Variants in CWF19L2 observed in about 807,000 individuals in gnomAD.
CWF19L2 encodes CWF19 like cell cycle control factor 2, also known as CWF19-like protein 2.
CWF19L2 carries 98 observed loss-of-function variants against 111.7 expected under a neutral mutation model. The ratio of observed to expected loss-of-function variants is 0.88; its 90% CI spans 0.75 to 1.04. The LOEUF (loss-of-function observed/expected upper bound fraction) is 1.04. Ranked by LOEUF, CWF19L2 falls within the 50% of genes least tolerant of loss-of-function variation. CWF19L2 has a pLI of 0.00. For synonymous variants in CWF19L2, 351 were observed against 342.9 expected (o/e 1.02, Z -0.26); for missense variants, 1,101 against 1,051.4 (o/e 1.05, Z -0.65).
intron 16 of CWF19L2, among the ~76,000 whole-genome samples, chr11:107,330,920 T>C (rs1859841248): frequency 6.6e-6 from 1 of 152,158 alleles, no homozygotes; most frequent in African/African-American, 2.4e-5. Flanking sequence ...AATTGTGTAT[T>C]GTGTCCTTTT....
intron 12 of CWF19L2, among the ~76,000 whole-genome samples, chr11:107,362,408 A>G (rs1254533082): frequency 6.6e-6 from 1 of 152,144 alleles, no homozygotes; most frequent in African/African-American, 2.4e-5. Flanking sequence ...TAACCTCTGC[A>G]GACTTAAATG....
chr11:107,418,034 A>T (rs1220283063), intron 9 of CWF19L2, among the ~76,000 whole-genome samples, 160 bp downstream of exon 9: 1 of 152,234 alleles, frequency 6.6e-6, no homozygotes, highest in Non-Finnish European at 1.5e-5. Context: ...TGCTGGGATT[A>T]CAGGCATGGT....
Position 107,326,876 on chromosome 11 carries a change from A to C in CWF19L2, c.*34T>G. The C allele has an allele frequency of 6.5e-7, 1 of 1,546,284 alleles. No homozygotes were observed. Among genetic ancestry groups the C allele is most frequent in the Non-Finnish European group, 8.7e-7 (1 of 1,147,346 alleles). On this transcript the variant is annotated 3_prime_UTR_variant, in exon 18 of 18. Transcript: ENST00000282251. ...TGCAATGGAAATAAAACTGAACGGG[A>C]TCTGAAGAAAAATTTTAAAATGGAA...
At chr11:107,418,337 A>T in intron 8 of CWF19L2, 50 bp from the exon 9 acceptor site, 1 of 1,142,826 alleles carries the variant, frequency 8.8e-7, no homozygotes. Context: ...GTGCGATGCA[A>T]GCAATAACAT....
At chr11:107,437,928 A>G (rs562576756) in intron 6 of CWF19L2, among the ~76,000 whole-genome samples, 2 of 152,336 alleles carry the variant, frequency 1.3e-5, no homozygotes, top group East Asian at 3.9e-4. Flanking sequence ...CTATCTATGA[A>G]ACAGTATTTC....
rs66699460 is a variant in CWF19L2, at chr11:107,380,046, C to CAAAAA, written c.1872+10023_1872+10027dup. ...TGGGCGACAGAGCGAGACACCGTCT[C>CAAAAA]AAAAAAAAAAAAAAAAAAAAAAAAA... is the stretch of plus-strand genomic sequence containing the variant. On this transcript the variant is annotated intron_variant, in intron 12 of 17. Transcript: ENST00000282251. Among the ~76,000 whole-genome samples, 216 of 34,486 alleles carry CAAAAA rather than the reference C, an allele frequency of 6.3e-3. 60 individuals carry two copies. Among genetic ancestry groups the CAAAAA allele is most frequent in the East Asian group, 0.022 (20 of 906 alleles). 22.6% of individuals were successfully genotyped at this position (34,486 alleles called of 152,430 possible).
intron 14 of CWF19L2, among the ~76,000 whole-genome samples, chr11:107,343,706 A>G (rs370639097): frequency 3.6e-4 from 55 of 151,850 alleles, no homozygotes; most frequent in African/African-American, 1.2e-3. Flanking sequence ...TGATTTATTT[A>G]GTGTTTTTCA....
Position 107,348,922 on chromosome 11 carries a change from A to T in CWF19L2, c.2202+15T>A, listed in dbSNP as rs201724585. The T allele has an allele frequency of 4.3e-5, 63 of 1,459,818 alleles. No individual in the cohort carries two copies. In the Middle Eastern group the frequency reaches 1.2e-3, roughly 29 times the overall value. 90.4% of individuals were successfully genotyped at this position (1,459,818 alleles called of 1,614,324 possible). On this transcript the variant is annotated intron_variant, in intron 14 of 17. Coordinates refer to ENST00000282251, the MANE Select transcript of CWF19L2 (RefSeq NM_152434.3). ...CATGAGTTTTAAAATGATAATGAAC[A>T]TTTATTATGCTGACCTGGATCTCCT...
intron 12 of CWF19L2, among the ~76,000 whole-genome samples, chr11:107,363,294 C>A (rs992916460): frequency 1.6e-4 from 25 of 152,018 alleles, no homozygotes; most frequent in Admixed American, 1.4e-3. Context: ...CAAGGCAGGC[C>A]AACGTTCAGA....
chr11:107,444,237 C>T (rs1861671846), intron 3 of CWF19L2, among the ~76,000 whole-genome samples: 1 of 152,046 alleles, frequency 6.6e-6, no homozygotes, highest in Admixed American at 6.6e-5. Context: ...TTCACACTCT[C>T]ACTTTCATAC....
At position 107,339,044 on chromosome 11, in the gene CWF19L2, G is replaced by C. The variant is rs373465133; in HGVS notation, c.2203-2331C>G. On this transcript the variant is annotated intron_variant, in intron 14 of 17. Transcript: ENST00000282251. ...ACACTCCCACAAACAGTGTATAAGC[G>C]TTCCTTTTTCTCTACAACCTCACCA... Among the ~76,000 whole-genome samples, 56 of 152,232 alleles carry C rather than the reference G, an allele frequency of 3.7e-4. 1 individual carries two copies. Among genetic ancestry groups the C allele is most frequent in the African/African-American group, 1.3e-3 (54 of 41,526 alleles).
At chr11:107,384,022 AAAGTC>A (rs1044735744) in intron 12 of CWF19L2, among the ~76,000 whole-genome samples, 3 of 152,206 alleles carry the variant, frequency 2.0e-5, no homozygotes, top group African/African-American at 7.2e-5. Flanking sequence ...TAAGCTCCAT[AAAGTC>A]AAGGATCATT....
intron 12 of CWF19L2, among the ~76,000 whole-genome samples, chr11:107,359,152 T>A (rs781022387): frequency 6.6e-6 from 1 of 152,184 alleles, no homozygotes; most frequent in Non-Finnish European, 1.5e-5. Context: ...GAATACCCAG[T>A]CTGCCAACAA....
rs1861875731 is a variant in CWF19L2, at chr11:107,457,735, C to G, written c.82G>C (p.Ala28Pro). The G allele has an allele frequency of 6.4e-7, 1 of 1,551,536 alleles. No individual in the cohort carries two copies. Among genetic ancestry groups the G allele is most frequent in the African/African-American group, 1.4e-5 (1 of 73,064 alleles). ...IEERKEQTRNARAEVLRQAKA... is the reference protein window; with the variant it reads ...IEERKEQTRNPRAEVLRQAKA... ...ACCTGGCGCAACACCTCGGCCCTGG[C>G]ATTCCGGGTCTGTTCTTTCCGCTCT... is the stretch of plus-strand genomic sequence containing the variant. The change falls in exon 1 of 18, where the codon GCC (alanine) becomes CCC (proline). Residue 28 changes from alanine to proline, a missense_variant. Coordinates refer to ENST00000282251, the MANE Select transcript of CWF19L2 (RefSeq NM_152434.3).
intron 14 of CWF19L2, among the ~76,000 whole-genome samples, chr11:107,337,978 G>A (rs1859952715): frequency 6.6e-6 from 1 of 152,026 alleles, no homozygotes; most frequent in Admixed American, 6.6e-5. Flanking sequence ...TCACAACCAG[G>A]ATATTGACAT....
At chr11:107,442,825 G>GGAGGGAGA in intron 4 of CWF19L2, 114 bp downstream of exon 4, 1 of 483,536 alleles carries the variant, frequency 2.1e-6, no homozygotes. Context: ...GGAGGGGGAG[G>GGAGGGAGA]GAGGGAGAGA....
chr11:107,391,709 G>A (rs907883968), intron 11 of CWF19L2, among the ~76,000 whole-genome samples: 1 of 151,998 alleles, frequency 6.6e-6, no homozygotes, highest in Non-Finnish European at 1.5e-5. Context: ...ATAAAACCTT[G>A]TCTTTAACTT....
chr11:107,392,209 C>A (rs958921218), intron 11 of CWF19L2, among the ~76,000 whole-genome samples: 11 of 152,238 alleles, frequency 7.2e-5, no homozygotes, highest in African/African-American at 2.6e-4. Flanking sequence ...TTTGTATATG[C>A]AATTATCACT....
chr11:107,454,470 CATT>C lies in CWF19L2; in HGVS notation c.316_318del (p.Asn106del). On this transcript the variant is annotated inframe_deletion, in exon 3 of 18. Coordinates refer to ENST00000282251, the MANE Select transcript of CWF19L2 (RefSeq NM_152434.3). ...CTTACTGATGAGCTATCAGATGACT[CATT>C]GTTTTTTTCATATTTCTGTTTCTTG... 2.1e-6 allele frequency: 3 copies of C among 1,447,104 alleles called. No individual in the cohort carries two copies. The highest frequency in any genetic ancestry group is 1.6e-5 in the South Asian group (1 of 64,098). The allele number at this position is 1,447,104 out of a possible 1,614,324, so 89.6% of individuals were successfully genotyped here.
Sources: gnomAD v4.1 joint callset for allele counts (sites outside exome capture counted in the v4.1 genomes callset) on GRCh38, gnomAD v4.1.1 for gene constraint, MANE v1.5 for transcripts, NCBI Gene and HGNC (gene_info 2026-07-23, HGNC 2026-07-21) for gene names.